The following RARRES1 variants were observed in gnomAD, a reference collection of about 807,000 sequenced individuals.
RARRES1 encodes retinoic acid receptor responder protein 1.
RARRES1 carries 34 observed loss-of-function variants against 30.6 expected under a neutral mutation model. The observed-to-expected ratio is 1.11, with a 90% CI of 0.84 to 1.48. The LOEUF is 1.48. Ranked by LOEUF, RARRES1 falls within the 40% of genes most tolerant of loss-of-function variation. The pLI, the probability that RARRES1 is intolerant of heterozygous loss-of-function variation, is 0.00. For missense variants in RARRES1, 373 were observed against 386.5 expected (o/e 0.97, Z 0.29); for synonymous variants, 153 against 155.5 (o/e 0.98, Z 0.12).
chr3:158,711,980 C>G (rs1018655898), intron 2 of RARRES1, among the ~76,000 whole-genome samples: 1 of 152,210 alleles, frequency 6.6e-6, no homozygotes, highest in African/African-American at 2.4e-5. Context: ...TTCAACTAGA[C>G]ATCAGATGTA....
chr3:158,722,711 T>C (rs1243147795), intron 1 of RARRES1, among the ~76,000 whole-genome samples: 1 of 151,832 alleles, frequency 6.6e-6, no homozygotes, highest in Admixed American at 6.6e-5. Context: ...TGAAACCCCA[T>C]CTCTACTAAA....
chr3:158,704,226 T>C, intron 4 of RARRES1, among the ~76,000 whole-genome samples: 2 of 104,822 alleles, frequency 1.9e-5, no homozygotes, highest in Non-Finnish European at 3.7e-5. Context: ...TTTTTTTTTT[T>C]TTTTTTTTTT....
At chr3:158,716,349 G>A (rs1258394761) in intron 1 of RARRES1, among the ~76,000 whole-genome samples, 1 of 152,192 alleles carries the variant, frequency 6.6e-6, no homozygotes, top group Non-Finnish European at 1.5e-5. Flanking sequence ...CAGCCTTCAC[G>A]CCAGTGATAC....
At chr3:158,699,970 T>A (rs1208488180) in intron 4 of RARRES1, among the ~76,000 whole-genome samples, 1 of 152,148 alleles carries the variant, frequency 6.6e-6, no homozygotes, top group Non-Finnish European at 1.5e-5. Flanking sequence ...TGGATATTTG[T>A]CTCAGACTTT....
At chr3:158,712,962 T>G (rs1727188871) in intron 2 of RARRES1, among the ~76,000 whole-genome samples, 1 of 152,224 alleles carries the variant, frequency 6.6e-6, no homozygotes, top group South Asian at 2.1e-4. Flanking sequence ...TTTTAATTCA[T>G]AGGTTAATAA....
intron 1 of RARRES1, among the ~76,000 whole-genome samples, chr3:158,731,507 A>ATTCGG (rs1727885890): frequency 1.3e-5 from 2 of 152,224 alleles, no homozygotes; most frequent in African/African-American, 4.8e-5. Context: ...GTTCTCATTC[A>ATTCGG]TTCGGTTCAT....
At chr3:158,731,462 G>A (rs1279571110) in intron 1 of RARRES1, among the ~76,000 whole-genome samples, 1 of 152,220 alleles carries the variant, frequency 6.6e-6, no homozygotes, top group Non-Finnish European at 1.5e-5. Flanking sequence ...TACAGTCAAT[G>A]CCTTGAAATC....
At chr3:158,707,702 CA>C (rs972836538) in intron 3 of RARRES1, among the ~76,000 whole-genome samples, 5 of 152,216 alleles carry the variant, frequency 3.3e-5, no homozygotes, top group African/African-American at 1.2e-4. Flanking sequence ...ATGTGGAGTG[CA>C]GTAAGATGTT....
At chr3:158,701,308 A>G (rs1373783279) in intron 4 of RARRES1, among the ~76,000 whole-genome samples, 2 of 151,710 alleles carry the variant, frequency 1.3e-5, no homozygotes, top group African/African-American at 2.4e-5. Context: ...TTCTAAGGAA[A>G]GAGTTGTGCC....
rs758712809 is a variant in RARRES1, at chr3:158,710,854, G to T, written c.419C>A (p.Thr140Asn). 2 of 1,613,482 alleles carry T rather than the reference G, an allele frequency of 1.2e-6. No individual in the cohort carries two copies. The highest frequency in any genetic ancestry group is 1.3e-5 in the African/African-American group (1 of 74,896). The change falls in exon 3 of 6, where the codon ACC becomes AAC. Residue 140 changes from threonine to asparagine, a missense_variant. Transcript: ENST00000237696. ...VFFKNQKPRPTINVTCTRLIE... is the reference protein window; with the variant it reads ...VFFKNQKPRPNINVTCTRLIE... The stretch of plus-strand genomic sequence containing the variant: ...GAGCCGTGTACAAGTTACATTGATG[G>T]TTGGTCTGGGTTTCTGATTCTTGAA...
intron 4 of RARRES1, among the ~76,000 whole-genome samples, chr3:158,701,601 T>C (rs1442314439): frequency 6.6e-6 from 1 of 152,222 alleles, no homozygotes; most frequent in Non-Finnish European, 1.5e-5. Context: ...AGCCCTAGTG[T>C]CCTGTTGCTA....
intron 3 of RARRES1, among the ~76,000 whole-genome samples, chr3:158,705,403 A>G (rs996464757): frequency 6.6e-6 from 1 of 152,170 alleles, no homozygotes; most frequent in African/African-American, 2.4e-5. Flanking sequence ...CTGAATACTC[A>G]AAGATGACAT....
chr3:158,724,853 TCTCA>T (rs1326018138), intron 1 of RARRES1, among the ~76,000 whole-genome samples: 2 of 150,694 alleles, frequency 1.3e-5, no homozygotes, highest in Non-Finnish European at 3.0e-5. Context: ...CCAGACAGGG[TCTCA>T]CTATGTTAGC....
chr3:158,702,199 G>A (rs1386427599), intron 4 of RARRES1, among the ~76,000 whole-genome samples: 1 of 152,002 alleles, frequency 6.6e-6, no homozygotes, highest in African/African-American at 2.4e-5. Flanking sequence ...CACCATGCCT[G>A]GCTAATTTTT....
chr3:158,710,497 C>A (rs924242284), intron 3 of RARRES1, among the ~76,000 whole-genome samples: 1 of 152,092 alleles, frequency 6.6e-6, no homozygotes, highest in Non-Finnish European at 1.5e-5. Flanking sequence ...CATGAGCCAC[C>A]GCGCCCAGCT....
intron 1 of RARRES1, among the ~76,000 whole-genome samples, chr3:158,722,086 C>CAAAAAAAAAAAAAAAAAAAAAA (rs571829700): frequency 1.5e-5 from 1 of 68,738 alleles, no homozygotes; most frequent in African/African-American, 5.1e-5. Flanking sequence ...GAATGAAACT[C>CAAAAAAAAAAAAAAAAAAAAAA]AAAAAAAAAA....
chr3:158,713,336 C>T (rs561797588), intron 2 of RARRES1, among the ~76,000 whole-genome samples: 2 of 152,290 alleles, frequency 1.3e-5, no homozygotes, highest in South Asian at 2.1e-4. Context: ...AGGCTGATAA[C>T]GGCTGGAGCA....
At chr3:158,705,734 T>C (rs1305830823) in intron 3 of RARRES1, 2 of 152,260 alleles carry the variant, frequency 1.3e-5, no homozygotes, top group African/African-American at 2.4e-5. Flanking sequence ...TGTGCTTCTC[T>C]AATCATTGGC....
chr3:158,722,393 CT>C (rs572804687), intron 1 of RARRES1, among the ~76,000 whole-genome samples: 6 of 152,100 alleles, frequency 3.9e-5, no homozygotes, highest in Non-Finnish European at 4.4e-5. Context: ...GCACTACCCA[CT>C]TTTTTTGAAA....
Sources: gnomAD v4.1 joint callset for allele counts (sites outside exome capture counted in the v4.1 genomes callset) on GRCh38, gnomAD v4.1.1 for gene constraint, MANE v1.5 for transcripts, NCBI Gene and HGNC (gene_info 2026-07-23, HGNC 2026-07-21) for gene names.